The following CFAP221 variants were observed in gnomAD, a reference collection of about 807,000 sequenced individuals.
CFAP221 encodes the protein cilia- and flagella-associated protein 221.
A neutral mutation model predicts 113.1 loss-of-function variants in CFAP221; 97 were observed. That is an observed-to-expected ratio of 0.86 (90% CI 0.73 to 1.02). CFAP221 has a LOEUF of 1.02. Ranked by LOEUF, CFAP221 falls within the 50% of genes least tolerant of loss-of-function variation. The pLI, the probability that CFAP221 is intolerant of heterozygous loss-of-function variation, is 0.00. For synonymous variants in CFAP221, 331 were observed against 354.4 expected, an observed-to-expected ratio of 0.93 and a Z score of 0.74; for missense variants, 1,025 against 1,013.4, an observed-to-expected ratio of 1.01 and a Z score of -0.16.
chr2:119,606,898 AC>A (rs1684808742), intron 11 of CFAP221, among the ~76,000 whole-genome samples: 1 of 152,160 alleles, frequency 6.6e-6, no homozygotes, highest in Non-Finnish European at 1.5e-5. Flanking sequence ...CACTCCACAC[AC>A]ATGCACACAC....
intron 6 of CFAP221, among the ~76,000 whole-genome samples, chr2:119,573,856 A>G (rs898866188): frequency 1.3e-5 from 2 of 152,248 alleles, no homozygotes; most frequent in African/African-American, 4.8e-5. Flanking sequence ...TAGCAAGAAA[A>G]GAAAATCATC....
rs181231610 is a variant in CFAP221, at chr2:119,638,083, C to T, written c.1975-176C>T. On this transcript the variant is annotated intron_variant, in intron 19 of 23. Transcript: ENST00000413369. ...TTATGAATGACTATGATTTTTTAAA[C>T]GCTGCCGACTTGAAGACACCTCTGC... 44 of 480,646 alleles carry T rather than the reference C, an allele frequency of 9.2e-5. 2 individuals carry two copies. The highest frequency in any genetic ancestry group is 3.9e-4 in the Middle Eastern group (1 of 2,544). 29.8% of individuals were successfully genotyped at this position (480,646 alleles called of 1,614,324 possible).
intron 7 of CFAP221, among the ~76,000 whole-genome samples, chr2:119,590,459 G>A (rs1470139730): frequency 1.3e-5 from 2 of 152,106 alleles, no homozygotes; most frequent in Admixed American, 6.6e-5. Context: ...GACACCAAGC[G>A]CACTGTACCC....
At chr2:119,549,994 A>G (rs1680307606) in intron 3 of CFAP221, among the ~76,000 whole-genome samples, 1 of 152,212 alleles carries the variant, frequency 6.6e-6, no homozygotes. Flanking sequence ...ATGGACCTGA[A>G]CAACCTCAGT....
chr2:119,548,852 A>C (rs572982475), intron 2 of CFAP221, among the ~76,000 whole-genome samples: 1 of 152,312 alleles, frequency 6.6e-6, no homozygotes, highest in East Asian at 1.9e-4. Flanking sequence ...AATCTACCTG[A>C]CTTTGTATTG....
intron 3 of CFAP221, among the ~76,000 whole-genome samples, chr2:119,556,428 G>T (rs1680803721): frequency 6.6e-6 from 1 of 152,068 alleles, no homozygotes; most frequent in Non-Finnish European, 1.5e-5. Flanking sequence ...TCCAGTTCAA[G>T]AATCTTTTAA....
intron 23 of CFAP221, among the ~76,000 whole-genome samples, chr2:119,654,385 C>T (rs1311072743): frequency 6.6e-6 from 1 of 152,058 alleles, no homozygotes; most frequent in Non-Finnish European, 1.5e-5. Flanking sequence ...AAAAACTGAC[C>T]TAGGGTTTTA....
In CFAP221 at chr2:119,604,698, C is replaced by T; in HGVS notation, c.818C>T (p.Thr273Ile). Residue 273 changes from threonine to isoleucine, a missense_variant, in exon 9 of 24, where the codon ACC (threonine) becomes ATC (isoleucine). Thr to Ile is a moderately conservative substitution (Grantham distance 89). Coordinates refer to ENST00000413369, the MANE Select transcript of CFAP221 (RefSeq NM_001271049.2). Reference protein sequence around the residue: ...LPLEEFERLNTLSKKVNVPPE... With the variant: ...LPLEEFERLNILSKKVNVPPE... ...TTAGAAGAGTTTGAAAGGTTGAATACCCTTTCTAAGAAAGTAAACGTTCCT... is the reference window on the plus strand; with the variant it reads ...TTAGAAGAGTTTGAAAGGTTGAATATCCTTTCTAAGAAAGTAAACGTTCCT... The T allele has an allele frequency of 6.4e-7, 1 of 1,556,760 alleles. No individual in the cohort carries two copies. The highest frequency in any genetic ancestry group is 8.6e-7 in the Non-Finnish European group (1 of 1,157,538).
In CFAP221 at chr2:119,639,829, C is replaced by T. The variant is rs1429107163; in HGVS notation, c.2182C>T (p.Leu728Phe). 2 of 1,614,058 alleles carry T rather than the reference C, an allele frequency of 1.2e-6. No individual in the cohort carries two copies. The highest frequency in any genetic ancestry group is 8.5e-7 in the Non-Finnish European group (1 of 1,180,030). ...CTGGAAAAGCTTCCAGTCCCTGGTT[C>T]TCTCCTCCCTGCCGGACCCCTCCAA... ...MHWKSFQSLV[L>F]SSLPDPSKME... Residue 728 changes from leucine to phenylalanine, a missense_variant, in exon 21 of 24, where the codon CTC (leucine) becomes TTC (phenylalanine). Transcript: ENST00000413369.
At chr2:119,631,045 C>T in intron 19 of CFAP221, 144 bp downstream of exon 19, 1 of 1,382,096 alleles carries the variant, frequency 7.2e-7, no homozygotes, top group South Asian at 2.1e-5. Flanking sequence ...ATATTGTTTG[C>T]CAACCTTTAT....
chr2:119,633,644 A>G (rs1686929642), intron 19 of CFAP221, among the ~76,000 whole-genome samples: 1 of 151,828 alleles, frequency 6.6e-6, no homozygotes, highest in Non-Finnish European at 1.5e-5. Context: ...AAAAAACCTA[A>G]TAACTCAGTT....
At chr2:119,563,354 C>G (rs150660803) in intron 6 of CFAP221, among the ~76,000 whole-genome samples, 154 of 152,236 alleles carry the variant, frequency 1.0e-3, no homozygotes, top group East Asian at 7.7e-3. Context: ...CCATCCATTG[C>G]TTTTTCATAT....
intron 19 of CFAP221, 94 bp downstream of exon 19, chr2:119,630,995 C>G: frequency 4.0e-6 from 6 of 1,490,820 alleles, no homozygotes; most frequent in Non-Finnish European, 5.4e-6. Flanking sequence ...AATATTTTTT[C>G]TCTTTGGAAT....
At chr2:119,557,202 A>T (rs1020872024) in intron 3 of CFAP221, 4 of 152,224 alleles carry the variant, frequency 2.6e-5, no homozygotes, top group Non-Finnish European at 5.9e-5. Flanking sequence ...AGATATTGAG[A>T]GTCTGACCCT....
Position 119,656,603 on chromosome 2 carries a change from T to C in CFAP221, c.*133T>C. On this transcript the variant is annotated 3_prime_UTR_variant, in exon 24 of 24. Transcript: ENST00000413369. Reference sequence around the variant, plus strand: ...AAATGAAATGTAGAGGATGTATATATCTTTTAAGTGATAATTATAAATCTT... The same window carrying C: ...AAATGAAATGTAGAGGATGTATATACCTTTTAAGTGATAATTATAAATCTT... 1 of 589,658 alleles carries C rather than the reference T, an allele frequency of 1.7e-6. No homozygotes were observed. Among genetic ancestry groups the C allele is most frequent in the Non-Finnish European group, 3.1e-6 (1 of 327,700 alleles). 36.5% of individuals were successfully genotyped at this position (589,658 alleles called of 1,614,324 possible). A position where few individuals can be genotyped will look rare whatever the true frequency, so the allele number is the denominator to read the frequency against.
At chr2:119,620,869 A>G (rs964492430) in intron 14 of CFAP221, among the ~76,000 whole-genome samples, 1 of 152,110 alleles carries the variant, frequency 6.6e-6, no homozygotes, top group Admixed American at 6.6e-5. Flanking sequence ...AGAGACACAC[A>G]TAGGCTCAAA....
intron 7 of CFAP221, among the ~76,000 whole-genome samples, chr2:119,587,967 C>A (rs1683336705): frequency 1.3e-5 from 2 of 151,978 alleles, no homozygotes; most frequent in East Asian, 1.9e-4. Flanking sequence ...GGACCAGGAG[C>A]CATTCTGAGA....
intron 20 of CFAP221, 97 bp from the exon 21 acceptor site, chr2:119,639,684 G>A: frequency 4.2e-6 from 4 of 946,788 alleles, no homozygotes; most frequent in Non-Finnish European, 6.6e-6. Context: ...TTGGTGCTTA[G>A]CCTTTTAAGT....
At position 119,625,667 on chromosome 2, in the gene CFAP221, GC is replaced by G. The variant is rs775449655; in HGVS notation, c.1496del (p.Ala499GlufsTer5). 5 of 1,611,160 alleles carry G rather than the reference GC, an allele frequency of 3.1e-6. No individual in the cohort carries two copies. The South Asian group carries it at 4.4e-5, about 14-fold the overall frequency. Reference sequence around the variant, plus strand: ...GAGTATACTGAGAAAGATTGGCCAAGCAAAACAATCGATAGCACAAGGTGAA... The same window carrying G: ...GAGTATACTGAGAAAGATTGGCCAAGAAAACAATCGATAGCACAAGGTGAA... ...KESILRKIGQ[A>X]KQSIAQEANF... On this transcript the variant is annotated frameshift_variant, in exon 15 of 24. Coordinates refer to ENST00000413369, the MANE Select transcript of CFAP221 (RefSeq NM_001271049.2). LOFTEE classifies it high-confidence loss of function.
Sources: gnomAD v4.1 joint callset for allele counts (sites outside exome capture counted in the v4.1 genomes callset) on GRCh38, gnomAD v4.1.1 for gene constraint, MANE v1.5 for transcripts, NCBI Gene and HGNC (gene_info 2026-07-23, HGNC 2026-07-21) for gene names.